Variants in HEMK1 observed in about 807,000 individuals in gnomAD.
HEMK1 encodes MTRF1L release factor glutamine methyltransferase.
Under a neutral mutation model 47.9 loss-of-function variants are expected in HEMK1, and 36 were observed. The ratio of observed to expected loss-of-function variants is 0.75; its 90% confidence interval spans 0.58 to 0.99. HEMK1 has a LOEUF of 0.99. HEMK1 is among the 50% of genes least tolerant of loss of function. HEMK1 has a pLI of 0.00. For synonymous variants in HEMK1, 153 were observed against 165.4 expected (o/e 0.93, Z 0.57); for missense variants, 383 against 434.5 (o/e 0.88, Z 1.05).
rs2031275023 is a variant in HEMK1 at position 50,585,470 on chromosome 3, C to G, written c.*5053C>G. 6.6e-6 allele frequency: 1 copy of G among 152,362 alleles called. No individual in the cohort carries two copies. Among genetic ancestry groups the G allele is most frequent in the African/African-American group, 2.4e-5 (1 of 41,440 alleles). The allele number at this position is 152,362 out of a possible 1,614,324, so 9.4% of individuals were successfully genotyped here. ...TAAAACTGAATTGGCCAACTGGTGC[C>G]CTCAGCCCTGTCCCTGTCCAAGCTG... On this transcript the variant is annotated 3_prime_UTR_variant, in exon 11 of 11. Coordinates refer to ENST00000232854, the MANE Select transcript of HEMK1 (RefSeq NM_016173.5).
Position 50,571,239 on chromosome 3 carries a change from C to A in HEMK1, c.135C>A (p.Val45=), listed in dbSNP as rs1381866240. 6.2e-7 allele frequency: 1 copy of A among 1,613,812 alleles called. No individual in the cohort carries two copies. The highest frequency in any genetic ancestry group is 1.1e-5 in the South Asian group (1 of 91,028). The part of the protein sequence containing the change: ...LAGLSSAIEL[V]SHWTGVFEKR... ...GGTTATCCAGTGCCATAGAACTGGT[C>A]AGCCACTGGACTGGGGTCTTTGAGA... Residue 45 remains valine (V), a synonymous_variant, in exon 2 of 11, where the codon GTC becomes GTA. Transcript: ENST00000232854.
intron 7 of HEMK1, among the ~76,000 whole-genome samples, chr3:50,578,270 C>G (rs1202593554): frequency 6.6e-6 from 1 of 152,234 alleles, no homozygotes. Context: ...CACAGCTCAG[C>G]TATAGCCTTT....
chr3:50,578,892 C>G lies in HEMK1; in HGVS notation c.736C>G (p.Gln246Glu). 6.2e-7 allele frequency: 1 copy of G among 1,613,088 alleles called. No homozygotes were observed. The highest frequency in any genetic ancestry group is 8.5e-7 in the Non-Finnish European group (1 of 1,179,570). Residue 246 changes from glutamine to glutamate, a missense_variant, in exon 8 of 11, where the codon CAG (glutamine) becomes GAG (glutamate). Coordinates refer to ENST00000232854, the MANE Select transcript of HEMK1 (RefSeq NM_016173.5). ...IVSNPPYVFH[Q>E]DMEQLAPEIR... is the part of the protein sequence containing the mutation. ...CAGCAACCCTCCCTACGTCTTCCAC[C>G]AGGACATGGAGCAGCTGGCCCCTGA... is the stretch of plus-strand genomic sequence containing the variant.
rs2031729743 is a variant in HEMK1, at chr3:50,591,678, G to GTGTGTGTGTGTGTGTGTA, written c.*11278_*11279insATGTGTGTGTGTGTGTGT. ...CATGCATGCACGTGTGTGTGTGTGT[G>GTGTGTGTGTGTGTGTGTA]TGTGTGTGTGTGTGTGTGTTTGTGT... On this transcript the variant is annotated 3_prime_UTR_variant, in exon 11 of 11. Transcript: ENST00000232854. 1 of 152,416 alleles carries GTGTGTGTGTGTGTGTGTA rather than the reference G, an allele frequency of 6.6e-6. No individual in the cohort carries two copies. Among genetic ancestry groups the GTGTGTGTGTGTGTGTGTA allele is most frequent in the Admixed American group, 6.6e-5 (1 of 15,178 alleles). 9.4% of individuals were successfully genotyped at this position (152,416 alleles called of 1,614,324 possible).
Position 50,586,339 on chromosome 3 carries a change from A to C in HEMK1, c.*5922A>C, listed in dbSNP as rs979648262. The C allele has an allele frequency of 6.6e-6, 1 of 152,264 alleles. No individual in the cohort carries two copies. Among genetic ancestry groups the C allele is most frequent in the African/African-American group, 2.4e-5 (1 of 41,464 alleles). 9.4% of individuals were successfully genotyped at this position (152,264 alleles called of 1,614,324 possible). A position where few individuals can be genotyped will look rare whatever the true frequency, so the allele number is the denominator to read the frequency against. ...AGGAAAGGCTAATTTTACAGCTCAC[A>C]AAGTGGGAAAGGCAGGGAAGCCTAC... is the stretch of plus-strand genomic sequence containing the variant. On this transcript the variant is annotated 3_prime_UTR_variant, in exon 11 of 11. Transcript: ENST00000232854.
chr3:50,578,174 G>T (rs374345071), intron 7 of HEMK1, among the ~76,000 whole-genome samples: 1 of 152,302 alleles, frequency 6.6e-6, no homozygotes, highest in East Asian at 1.9e-4. Context: ...CAACAGATAA[G>T]CAAAAGCTTA....
chr3:50,574,832 C>G (rs1302735735), intron 4 of HEMK1, among the ~76,000 whole-genome samples: 1 of 152,214 alleles, frequency 6.6e-6, no homozygotes, highest in African/African-American at 2.4e-5. Flanking sequence ...CACAGGCAAT[C>G]ATTTGTTAGG....
At chr3:50,573,231 C>G (rs1039547930) in intron 4 of HEMK1, among the ~76,000 whole-genome samples, 1 of 152,190 alleles carries the variant, frequency 6.6e-6, no homozygotes, top group African/African-American at 2.4e-5. Context: ...ATGGGGGCAG[C>G]ACGTGGACTT....
chr3:50,571,916 G>T (rs1701011233), intron 3 of HEMK1, 115 bp downstream of exon 3: 14 of 1,322,384 alleles, frequency 1.1e-5, no homozygotes, highest in Non-Finnish European at 1.5e-5. Context: ...GGAGGTGTTG[G>T]GGTGCAGGAG....
Position 50,593,967 on chromosome 3 carries a change from T to C in HEMK1, c.*13550T>C, listed in dbSNP as rs1419180766. On this transcript the variant is annotated 3_prime_UTR_variant, in exon 11 of 11. Transcript: ENST00000232854. ...GTCTCGAACTCCTGACCTCAAGTGA[T>C]CTGCCACCTCGGCCTCCCAAAATGC... The C allele has an allele frequency of 6.6e-6, 1 of 152,138 alleles. No homozygotes were observed. Among genetic ancestry groups the C allele is most frequent in the East Asian group, 1.9e-4 (1 of 5,190 alleles). The allele number at this position is 152,138 out of a possible 1,614,324, so 9.4% of individuals were successfully genotyped here.
At chr3:50,579,056 G>A (rs761909829) in intron 8 of HEMK1, 130 bp downstream of exon 8, 38 of 647,472 alleles carry the variant, frequency 5.9e-5, no homozygotes, top group South Asian at 5.0e-4. Context: ...TTAAGTTGAC[G>A]CACTCGAGAG....
rs2031024627 is a variant in HEMK1, at chr3:50,583,267, T to C, written c.*2850T>C. 6.6e-6 allele frequency: 1 copy of C among 152,246 alleles called. No individual in the cohort carries two copies. The highest frequency in any genetic ancestry group is 2.1e-4 in the South Asian group (1 of 4,838). 9.4% of individuals were successfully genotyped at this position (152,246 alleles called of 1,614,324 possible). A position where few individuals can be genotyped will look rare whatever the true frequency, so the allele number is the denominator to read the frequency against. ...TCTCCATGGGTCTCATACAGCTGCC[T>C]TATTGAAATAGGCCCCGAACCCCCT... On this transcript the variant is annotated 3_prime_UTR_variant, in exon 11 of 11. Coordinates refer to ENST00000232854, the MANE Select transcript of HEMK1 (RefSeq NM_016173.5).
rs2031830086 is a variant in HEMK1 at position 50,593,609 on chromosome 3, C to T, written c.*13192C>T. The T allele has an allele frequency of 6.6e-6, 1 of 152,242 alleles. No individual in the cohort carries two copies. Among genetic ancestry groups the T allele is most frequent in the African/African-American group, 2.4e-5 (1 of 41,462 alleles). The allele number at this position is 152,242 out of a possible 1,614,324, so 9.4% of individuals were successfully genotyped here. A position where few individuals can be genotyped will look rare whatever the true frequency, so the allele number is the denominator to read the frequency against. On this transcript the variant is annotated 3_prime_UTR_variant, in exon 11 of 11. Transcript: ENST00000232854. ...GCTGCATGGGCAAGCCATTAATTTA[C>T]AGGGGTTTATCTTATAACTGGACAC... is the stretch of plus-strand genomic sequence containing the variant.
chr3:50,571,350 C>G lies in HEMK1; in HGVS notation c.228+18C>G. On this transcript the variant is annotated intron_variant, in intron 2 of 10. Coordinates refer to ENST00000232854, the MANE Select transcript of HEMK1 (RefSeq NM_016173.5). ...CCAAAACAGTTAAGTTTAGTGTTGT[C>G]AAGAGGACAGGAAGAGGGAGGAGGG... is the stretch of plus-strand genomic sequence containing the variant. 6.5e-7 allele frequency: 1 copy of G among 1,539,478 alleles called. No homozygotes were observed.
rs1187950271 is a variant in HEMK1, at chr3:50,581,056, C to T, written c.*639C>T. 1 of 152,388 alleles carries T rather than the reference C, an allele frequency of 6.6e-6. No individual in the cohort carries two copies. The highest frequency in any genetic ancestry group is 1.9e-4 in the East Asian group (1 of 5,194). 9.4% of individuals were successfully genotyped at this position (152,388 alleles called of 1,614,324 possible). ...CTGCACAGTTCCTGGGTCGCACATCCACGTTCATTTAACTGAAGGCTTGAG... is the reference window on the plus strand; with the variant it reads ...CTGCACAGTTCCTGGGTCGCACATCTACGTTCATTTAACTGAAGGCTTGAG... On this transcript the variant is annotated 3_prime_UTR_variant, in exon 11 of 11. Transcript: ENST00000232854.
Position 50,577,149 on chromosome 3 carries a change from G to C in HEMK1, c.512G>C (p.Gly171Ala), listed in dbSNP as rs967298146. 6.2e-7 allele frequency: 1 copy of C among 1,613,366 alleles called. No homozygotes were observed. The highest frequency in any genetic ancestry group is 2.2e-5 in the East Asian group (1 of 44,862). Residue 171 changes from glycine to alanine, a missense_variant, in exon 5 of 11, where the codon GGA (glycine) becomes GCA (alanine). Transcript: ENST00000232854. ...ATTCTGGAGGTGGGCTGCGGATCAGGAGCCATCTCCCTCAGCCTGCTGAGC... is the reference window on the plus strand; with the variant it reads ...ATTCTGGAGGTGGGCTGCGGATCAGCAGCCATCTCCCTCAGCCTGCTGAGC... ...PLILEVGCGS[G>A]AISLSLLSQL...
chr3:50,583,174 C>T lies in HEMK1; in HGVS notation c.*2757C>T, dbSNP rs894460664. On this transcript the variant is annotated 3_prime_UTR_variant, in exon 11 of 11. Coordinates refer to ENST00000232854, the MANE Select transcript of HEMK1 (RefSeq NM_016173.5). Reference sequence around the variant, plus strand: ...CTCTGGGAGAGTAATTCTATCTCCTCTTCTGATAGTTGGGGAAACTGAGGC... The same window carrying T: ...CTCTGGGAGAGTAATTCTATCTCCTTTTCTGATAGTTGGGGAAACTGAGGC... The T allele has an allele frequency of 1.3e-5, 2 of 152,272 alleles. No individual in the cohort carries two copies. Among genetic ancestry groups the T allele is most frequent in the Non-Finnish European group, 2.9e-5 (2 of 68,058 alleles). 9.4% of individuals were successfully genotyped at this position (152,272 alleles called of 1,614,324 possible).
In HEMK1 at chr3:50,579,878, G is replaced by A; in HGVS notation, c.805G>A (p.Glu269Lys). ...EDPAALDGGE[E>K]GMDIITHILA... Reference sequence around the variant, plus strand: ...CCCCGCGGCCCTGGATGGTGGGGAGGAGGGCATGGACATCATTACCCACAT... The same window carrying A: ...CCCCGCGGCCCTGGATGGTGGGGAGAAGGGCATGGACATCATTACCCACAT... Residue 269 changes from glutamate (E) to lysine (K), a missense_variant, in exon 9 of 11, where the codon GAG (glutamate) becomes AAG (lysine). Physicochemically the swap from Glu to Lys is moderately conservative, Grantham distance 56. Coordinates refer to ENST00000232854, the MANE Select transcript of HEMK1 (RefSeq NM_016173.5). 6.2e-7 allele frequency: 1 copy of A among 1,614,026 alleles called. No homozygotes were observed. The highest frequency in any genetic ancestry group is 8.5e-7 in the Non-Finnish European group (1 of 1,179,942).
At position 50,571,507 on chromosome 3, in the gene HEMK1, C is replaced by T. The variant is rs530012813; in HGVS notation, c.228+175C>T. Reference sequence around the variant, plus strand: ...CAGTTTGTTGGATGAATGAATATATCTCTGCCTAAGTGTTCTGGGATAGAC... The same window carrying T: ...CAGTTTGTTGGATGAATGAATATATTTCTGCCTAAGTGTTCTGGGATAGAC... On this transcript the variant is annotated intron_variant, in intron 2 of 10. Transcript: ENST00000232854. 243 of 675,230 alleles carry T rather than the reference C, an allele frequency of 3.6e-4. No individual in the cohort carries two copies. The African/African-American group carries it at 4.1e-3, about 11-fold the overall frequency. 41.8% of individuals were successfully genotyped at this position (675,230 alleles called of 1,614,324 possible).
Sources: allele counts gnomAD v4.1 joint callset (sites outside exome capture counted in the v4.1 genomes callset), GRCh38; gene constraint gnomAD v4.1.1; transcripts MANE v1.5; gene names NCBI Gene and HGNC (gene_info 2026-07-23, HGNC 2026-07-21).